The following SLC2A9 variants were observed in gnomAD, a reference collection of about 807,000 sequenced individuals.
SLC2A9 encodes solute carrier family 2, facilitated glucose transporter member 9.
Under a neutral mutation model 50.6 loss-of-function variants are expected in SLC2A9, and 39 were observed. The ratio of observed to expected loss-of-function variants is 0.77; its 90% CI spans 0.60 to 1.01. SLC2A9 has a LOEUF of 1.01. SLC2A9 is among the 50% of genes least tolerant of loss of function. SLC2A9 has a pLI of 0.00. For synonymous variants in SLC2A9, 324 were observed against 276.9 expected (o/e 1.17, Z -1.69); for missense variants, 686 against 677.6 (o/e 1.01, Z -0.14).
At chr4:9,934,729 G>A (rs962726312) in intron 6 of SLC2A9, among the ~76,000 whole-genome samples, 6 of 152,142 alleles carry the variant, frequency 3.9e-5, no homozygotes, top group East Asian at 1.9e-4. Context: ...CTGCCATGGC[G>A]GTTTGCTGTA....
intron 8 of SLC2A9, among the ~76,000 whole-genome samples, chr4:9,907,881 C>T (rs1159119964): frequency 6.6e-6 from 1 of 152,168 alleles, no homozygotes; most frequent in Non-Finnish European, 1.5e-5. Flanking sequence ...AAATCCAGCC[C>T]CCTTTGGCAT....
intron 3 of SLC2A9, among the ~76,000 whole-genome samples, chr4:9,793,831 C>T (rs1268246352): frequency 6.6e-6 from 1 of 152,184 alleles, no homozygotes; most frequent in African/African-American, 2.4e-5. Context: ...CAAGCCCCTC[C>T]TGCAGGATGA....
At chr4:9,801,851 G>C (rs75757130) in intron 3 of SLC2A9, among the ~76,000 whole-genome samples, 1 of 152,334 alleles carries the variant, frequency 6.6e-6, no homozygotes, top group East Asian at 1.9e-4. Flanking sequence ...AAAGAGAATA[G>C]GTTTGGGAGT....
intron 6 of SLC2A9, 27 bp downstream of exon 6, chr4:9,941,886 C>G (rs1001314459): frequency 6.8e-6 from 11 of 1,613,510 alleles, no homozygotes; most frequent in Non-Finnish European, 7.6e-6. Flanking sequence ...GGGGCTGGAG[C>G]TGTGCAGGAA....
intron 10 of SLC2A9, among the ~76,000 whole-genome samples, chr4:9,881,157 G>A (rs1392781873): frequency 6.6e-6 from 1 of 152,216 alleles, no homozygotes; most frequent in African/African-American, 2.4e-5. Context: ...CCAAGTGATG[G>A]TAATATATTC....
intron 3 of SLC2A9, among the ~76,000 whole-genome samples, chr4:9,809,827 AGC>A (rs1465303651): frequency 6.6e-6 from 1 of 151,398 alleles, no homozygotes; most frequent in Non-Finnish European, 1.5e-5. Flanking sequence ...ACCCTAATCT[AGC>A]CGCCATCAAC....
chr4:9,897,563 A>G (rs1445139042), intron 8 of SLC2A9, among the ~76,000 whole-genome samples: 1 of 152,048 alleles, frequency 6.6e-6, no homozygotes, highest in Non-Finnish European at 1.5e-5. Context: ...ATCCATGATG[A>G]CTGGTGTCCT....
At chr4:9,806,003 C>A (rs1722072090) in intron 3 of SLC2A9, among the ~76,000 whole-genome samples, 1 of 152,220 alleles carries the variant, frequency 6.6e-6, no homozygotes, top group Admixed American at 6.5e-5. Flanking sequence ...TGAACCTAGG[C>A]TCTCTGGCTC....
intron 6 of SLC2A9, among the ~76,000 whole-genome samples, chr4:9,922,155 G>A (rs1744058248): frequency 6.6e-6 from 1 of 152,108 alleles, no homozygotes; most frequent in Non-Finnish European, 1.5e-5. Flanking sequence ...TATCATTGAT[G>A]GGCATTTGGG....
chr4:9,926,979 C>T (rs1745015232), intron 6 of SLC2A9, among the ~76,000 whole-genome samples: 1 of 151,848 alleles, frequency 6.6e-6, no homozygotes, highest in Non-Finnish European at 1.5e-5. Context: ...GGCACCTTGA[C>T]CTTGGACTTC....
chr4:9,818,210 T>C, intron 3 of SLC2A9, among the ~76,000 whole-genome samples: 1 of 147,896 alleles, frequency 6.8e-6, no homozygotes, highest in East Asian at 1.9e-4. Flanking sequence ...ACACGCTGTA[T>C]GGGGCCAACC....
At chr4:10,017,869 C>T (rs909263281) in intron 2 of SLC2A9, among the ~76,000 whole-genome samples, 9 of 151,796 alleles carry the variant, frequency 5.9e-5, no homozygotes, top group Non-Finnish European at 1.5e-5. Context: ...GTCCTATATC[C>T]GTGTCTCCAA....
chr4:9,932,184 C>T (rs1396095964), intron 6 of SLC2A9, among the ~76,000 whole-genome samples: 1 of 151,478 alleles, frequency 6.6e-6, no homozygotes, highest in Non-Finnish European at 1.5e-5. Context: ...GCTTCATGTT[C>T]CCACAGCAAG....
chr4:9,997,558 G>C (rs571174461), intron 2 of SLC2A9, among the ~76,000 whole-genome samples: 6 of 152,242 alleles, frequency 3.9e-5, no homozygotes. Flanking sequence ...AAATTTGCCA[G>C]GTGTGGTGGC....
chr4:9,782,121 C>T (rs952051787), intron 3 of SLC2A9: 1 of 1,545,944 alleles, frequency 6.5e-7, no homozygotes, highest in East Asian at 2.3e-5. Context: ...GGGGGCTCGG[C>T]GGGGGCACCG....
intron 9 of SLC2A9, among the ~76,000 whole-genome samples, chr4:9,888,113 T>TGG (rs61566178): frequency 7.2e-6 from 1 of 138,072 alleles, no homozygotes; most frequent in East Asian, 2.7e-4. Flanking sequence ...CTGGGGCCTG[T>TGG]TTTGGGGGGT....
chr4:9,947,911 T>C (rs1217166209), intron 5 of SLC2A9, among the ~76,000 whole-genome samples: 1 of 152,176 alleles, frequency 6.6e-6, no homozygotes, highest in Non-Finnish European at 1.5e-5. Context: ...AGTGCTTCCC[T>C]GCGTGGTCCT....
At position 9,881,192 on chromosome 4, in the gene SLC2A9, G is replaced by A. The variant is rs140701264; in HGVS notation, c.1291+6375C>T. 2.6e-3 allele frequency among the ~76,000 whole-genome samples: 394 copies of A among 152,294 alleles called. 1 individual carries two copies. Among genetic ancestry groups the A allele is most frequent in the African/African-American group, 9.0e-3 (373 of 41,564 alleles). Reference sequence around the variant, plus strand: ...CAGCCAGGGTTTAAAAACTGCTCTAGCCCAGTGGTTCTTGAACTTGGCTGC... The same window carrying A: ...CAGCCAGGGTTTAAAAACTGCTCTAACCCAGTGGTTCTTGAACTTGGCTGC... On this transcript the variant is annotated intron_variant, in intron 10 of 11. Transcript: ENST00000264784.
At position 9,790,573 on chromosome 4, in the gene SLC2A9, T is replaced by C. The variant is rs141052118; in HGVS notation, n.386-10508A>G. ...CAACCAATGACATGGAGGGGCCTGG[T>C]TAATAAATGATTTCTATTAGGAGTT... On this transcript the variant is annotated intron_variant and non_coding_transcript_variant, in intron 3 of 3. Transcript: ENST00000503803. Among the ~76,000 whole-genome samples, 1,491 of 152,264 alleles carry C rather than the reference T, an allele frequency of 9.8e-3. 29 individuals are homozygous for C. The highest frequency in any genetic ancestry group is 0.034 in the African/African-American group (1,424 of 41,540).
Sources: allele counts gnomAD v4.1 joint callset (sites outside exome capture counted in the v4.1 genomes callset), GRCh38; gene constraint gnomAD v4.1.1; transcripts MANE v1.5; gene names NCBI Gene and HGNC (gene_info 2026-07-23, HGNC 2026-07-21).